The following CHSY3 variants were observed in gnomAD, a reference collection of about 807,000 sequenced individuals.
CHSY3 encodes the protein chondroitin sulfate synthase 3, also known as N-acetylgalactosaminyl-proteoglycan 3-beta-glucuronosyltransferase 3.
In CHSY3, 35 loss-of-function variants were observed where a neutral mutation model predicts 67.2. The observed-to-expected ratio is 0.52, with a 90% CI of 0.40 to 0.69. The LOEUF is 0.69. Among genes scored for constraint, CHSY3 ranks in the 30% least tolerant of loss-of-function variants. The pLI is 0.00. For missense variants in CHSY3, 1,069 were observed against 1,138.5 expected (o/e 0.94, Z 0.88); for synonymous variants, 474 against 434.7 (o/e 1.09, Z -1.12).
intron 2 of CHSY3, among the ~76,000 whole-genome samples, chr5:129,934,960 A>G (rs1163157478): frequency 6.6e-6 from 1 of 152,194 alleles, no homozygotes; most frequent in Admixed American, 6.6e-5. Flanking sequence ...CTACACTCAC[A>G]TTAAATGAAT....
chr5:129,987,905 A>G (rs558155295), intron 2 of CHSY3, among the ~76,000 whole-genome samples: 10 of 152,294 alleles, frequency 6.6e-5, no homozygotes, highest in Non-Finnish European at 1.3e-4. Flanking sequence ...TTGATTTACC[A>G]TGAAGATCAT....
In CHSY3 at chr5:130,178,187, G is replaced by GTGTA. The variant is rs1554088361; in HGVS notation, c.1087-6041_1087-6040insGTAT. Among the ~76,000 whole-genome samples, 169 of 121,874 alleles carry GTGTA rather than the reference G, an allele frequency of 1.4e-3. 1 individual carries two copies. The highest frequency in any genetic ancestry group is 5.2e-3 in the African/African-American group (161 of 30,670). The allele number at this position is 121,874 out of a possible 152,430, so 80.0% of individuals were successfully genotyped here. A position where few individuals can be genotyped will look rare whatever the true frequency, so the allele number is the denominator to read the frequency against. On this transcript the variant is annotated intron_variant, in intron 2 of 2. Coordinates refer to ENST00000305031, the MANE Select transcript of CHSY3 (RefSeq NM_175856.5). ...ATTATATGTATATATATGTGTGTGT[G>GTGTA]TATATATATATATTTATATATATAT...
intron 2 of CHSY3, among the ~76,000 whole-genome samples, chr5:130,049,342 T>A (rs1765256675): frequency 6.6e-6 from 1 of 152,088 alleles, no homozygotes; most frequent in Admixed American, 6.6e-5. Flanking sequence ...TCTCTTTATG[T>A]CAGCTGGGAA....
intron 2 of CHSY3, among the ~76,000 whole-genome samples, chr5:130,045,136 A>G (rs151042829): frequency 7.2e-5 from 11 of 152,186 alleles, no homozygotes; most frequent in African/African-American, 2.6e-4. Flanking sequence ...GAGTACAGAC[A>G]CACACCACCA....
intron 2 of CHSY3, among the ~76,000 whole-genome samples, chr5:130,011,943 T>C (rs1227273331): frequency 6.6e-6 from 1 of 152,150 alleles, no homozygotes; most frequent in East Asian, 1.9e-4. Flanking sequence ...TACAAAACAC[T>C]GTCCAAAGAA....
intron 2 of CHSY3, among the ~76,000 whole-genome samples, chr5:129,979,166 C>T (rs1306113653): frequency 7.3e-5 from 9 of 123,366 alleles, no homozygotes; most frequent in Non-Finnish European, 1.3e-4. Flanking sequence ...CGCCCCTGCA[C>T]TCCAGCCTGG....
chr5:130,152,473 A>G (rs1037337876), intron 2 of CHSY3, among the ~76,000 whole-genome samples: 1 of 152,170 alleles, frequency 6.6e-6, no homozygotes, highest in Non-Finnish European at 1.5e-5. Flanking sequence ...AGATATTTTT[A>G]TGTCGACTTT....
chr5:129,991,388 A>G (rs1238062102), intron 2 of CHSY3, among the ~76,000 whole-genome samples: 1 of 152,166 alleles, frequency 6.6e-6, no homozygotes, highest in Admixed American at 6.5e-5. Context: ...AATCAGGATG[A>G]CTTCTGGACT....
rs12520897 is a variant in CHSY3, at chr5:130,186,579, C to G, written c.*788C>G. ...GGCAAGAAGATAAAATATGACAGAA[C>G]CTGTTTATTTAAAATAAAACACAGG... On this transcript the variant is annotated 3_prime_UTR_variant, in exon 3 of 3. Coordinates refer to ENST00000305031, the MANE Select transcript of CHSY3 (RefSeq NM_175856.5). 6.5e-6 allele frequency: 1 copy of G among 152,690 alleles called. No homozygotes were observed. Among genetic ancestry groups the G allele is most frequent in the South Asian group, 2.1e-4 (1 of 4,836 alleles). The allele number at this position is 152,690 out of a possible 1,614,324, so 9.5% of individuals were successfully genotyped here.
At chr5:130,148,098 C>T (rs190587246) in intron 2 of CHSY3, among the ~76,000 whole-genome samples, 5 of 152,102 alleles carry the variant, frequency 3.3e-5, no homozygotes, top group Admixed American at 6.6e-5. Context: ...TCTATACGTA[C>T]GTACATGTGT....
chr5:129,905,867 A>T (rs1760272116), intron 1 of CHSY3: 1 of 820,698 alleles, frequency 1.2e-6, no homozygotes, highest in Non-Finnish European at 1.7e-6. Flanking sequence ...CGCCTTCCTC[A>T]CTTGCTGTTT....
rs561281384 is a variant in CHSY3, at chr5:130,095,700, G to A, written c.1087-88529G>A. Among the ~76,000 whole-genome samples the A allele has an allele frequency of 3.5e-4, 53 of 152,314 alleles. 1 individual carries two copies. In the South Asian group the frequency reaches 7.5e-3, roughly 21 times the overall value. On this transcript the variant is annotated intron_variant, in intron 2 of 2. Transcript: ENST00000305031. ...CTGCAAGGCAAGATCCACCAATGGA[G>A]GCTAAAATTAATGGGCAAAAGTATA...
At chr5:130,054,167 T>G (rs1313961027) in intron 2 of CHSY3, among the ~76,000 whole-genome samples, 1 of 152,208 alleles carries the variant, frequency 6.6e-6, no homozygotes, top group East Asian at 1.9e-4. Context: ...TTCTGGCTCA[T>G]TCTTCTAATT....
Position 130,173,735 on chromosome 5 carries a change from G to A in CHSY3, c.1087-10494G>A, listed in dbSNP as rs1446409042. Among the ~76,000 whole-genome samples the A allele has an allele frequency of 7.2e-5, 11 of 151,926 alleles. 1 individual carries two copies. The highest frequency in any genetic ancestry group is 6.6e-5 in the Admixed American group (1 of 15,250). On this transcript the variant is annotated intron_variant, in intron 2 of 2. Transcript: ENST00000305031. ...TAAACAATTTATTCAAGCTGTATACGCTCTTTAACATGTTTTCATTCTTTC... is the reference window on the plus strand; with the variant it reads ...TAAACAATTTATTCAAGCTGTATACACTCTTTAACATGTTTTCATTCTTTC...
At chr5:129,959,841 A>G (rs989238311) in intron 2 of CHSY3, among the ~76,000 whole-genome samples, 11 of 152,056 alleles carry the variant, frequency 7.2e-5, no homozygotes, top group African/African-American at 2.7e-4. Flanking sequence ...ATTGCAAGTG[A>G]TGCGTATCTT....
intron 2 of CHSY3, among the ~76,000 whole-genome samples, chr5:130,024,145 A>AAAAT: frequency 6.6e-6 from 1 of 151,624 alleles, no homozygotes; most frequent in East Asian, 1.9e-4. Context: ...GTCAAAAAAA[A>AAAAT]AAAAAAAAAG....
intron 2 of CHSY3, among the ~76,000 whole-genome samples, chr5:130,049,938 ACTT>A (rs2149670703): frequency 6.6e-6 from 1 of 152,092 alleles, no homozygotes; most frequent in East Asian, 1.9e-4. Context: ...TATGGTTTGT[ACTT>A]CTTCGACTGC....
rs574813270 is a variant in CHSY3, at chr5:130,143,571, C to G, written c.1087-40658C>G. 2.2e-3 allele frequency among the ~76,000 whole-genome samples: 338 copies of G among 150,996 alleles called. 2 individuals are homozygous for G. The highest frequency in any genetic ancestry group is 6.8e-3 in the Admixed American group (103 of 15,112). Reference sequence around the variant, plus strand: ...TTCATTCTACTGGTTGATATTTGGGCCATTTCTAATTCAGGGTTATTGCTA... The same window carrying G: ...TTCATTCTACTGGTTGATATTTGGGGCATTTCTAATTCAGGGTTATTGCTA... On this transcript the variant is annotated intron_variant, in intron 2 of 2. Coordinates refer to ENST00000305031, the MANE Select transcript of CHSY3 (RefSeq NM_175856.5).
intron 2 of CHSY3, among the ~76,000 whole-genome samples, chr5:130,116,239 T>C (rs993213487): frequency 6.6e-6 from 1 of 152,192 alleles, no homozygotes; most frequent in African/African-American, 2.4e-5. Flanking sequence ...TAGGCAATCA[T>C]ACTAATTATC....
Sources: allele counts gnomAD v4.1 joint callset (sites outside exome capture counted in the v4.1 genomes callset), GRCh38; gene constraint gnomAD v4.1.1; transcripts MANE v1.5; gene names NCBI Gene and HGNC (gene_info 2026-07-23, HGNC 2026-07-21).